The following GALK2 variants were observed in gnomAD, a reference collection of about 807,000 sequenced individuals.
The protein encoded by GALK2 is galactokinase 2, also known as N-acetylgalactosamine kinase.
A neutral mutation model predicts 52.4 loss-of-function variants in GALK2; 36 were observed. The observed-to-expected ratio is 0.69, with a 90% CI of 0.53 to 0.91. The LOEUF is 0.91. GALK2 is among the 40% of genes least tolerant of loss of function. The pLI, the probability that GALK2 is intolerant of heterozygous loss-of-function variation, is 0.00. For synonymous variants in GALK2, 176 were observed against 199.1 expected (o/e 0.88, Z 0.98); for missense variants, 579 against 559.1 (o/e 1.04, Z -0.36).
At chr15:49,225,764 C>A (rs547895117) in intron 3 of GALK2, among the ~76,000 whole-genome samples, 1 of 152,392 alleles carries the variant, frequency 6.6e-6, no homozygotes, top group East Asian at 1.9e-4. Context: ...AAGCTGCATG[C>A]TGCAGCCCTG....
At chr15:49,335,504 G>C, downstream of GALK2, 1 of 1,606,600 alleles carries the variant, frequency 6.2e-7, no homozygotes, top group Non-Finnish European at 8.5e-7. Flanking sequence ...AGTGTGCTAG[G>C]CTTATTATTA....
At chr15:49,357,516 C>A (rs1433943742) in intron 3 of GALK2, among the ~76,000 whole-genome samples, 2 of 152,036 alleles carry the variant, frequency 1.3e-5, no homozygotes, top group African/African-American at 4.8e-5. Flanking sequence ...TCGACACATA[C>A]ACTCTCCCAA....
In GALK2 at chr15:49,226,675, G is replaced by T. The variant is rs147262014; in HGVS notation, c.267-9176G>T. 1.9e-3 allele frequency: 283 copies of T among 151,918 alleles called. 2 individuals are homozygous for T. Among genetic ancestry groups the T allele is most frequent in the African/African-American group, 6.3e-3 (262 of 41,418 alleles). 9.4% of individuals were successfully genotyped at this position (151,918 alleles called of 1,614,324 possible). On this transcript the variant is annotated intron_variant, in intron 3 of 9. Coordinates refer to ENST00000560031, the MANE Select transcript of GALK2 (RefSeq NM_002044.4). ...CTAATTCCCTGAGATGCATAATTAG[G>T]TTGCTTATTTGAACTCTTTCTTTCT...
chr15:49,156,649 T>C, intron 1 of GALK2: 1 of 520,022 alleles, frequency 1.9e-6, no homozygotes, highest in South Asian at 1.5e-5. Context: ...TTAAGAGCAT[T>C]CCCAAAGGCA....
intron 2 of GALK2, among the ~76,000 whole-genome samples, chr15:49,207,933 C>T (rs1183000084): frequency 2.0e-5 from 3 of 152,046 alleles, no homozygotes; most frequent in African/African-American, 7.2e-5. Flanking sequence ...CCACCATGCC[C>T]AGCTAATTTT....
intron 2 of GALK2, among the ~76,000 whole-genome samples, chr15:49,206,969 TG>T (rs2088344507): frequency 6.6e-6 from 1 of 152,210 alleles, no homozygotes. Flanking sequence ...ATGTTGGCTG[TG>T]GGTCTGTCAT....
chr15:49,253,083 G>T (rs1383364303), intron 5 of GALK2, among the ~76,000 whole-genome samples: 3 of 144,290 alleles, frequency 2.1e-5, no homozygotes, highest in African/African-American at 7.5e-5. Context: ...ATTTATCCCT[G>T]CTCAAACTAA....
intron 3 of GALK2, chr15:49,225,357 G>T (rs2090070988): frequency 5.0e-6 from 2 of 397,916 alleles, no homozygotes; most frequent in South Asian, 1.8e-5. Flanking sequence ...GAGGTGAGTG[G>T]TGGGTGAGTG....
At chr15:49,245,190 A>G (rs936961777) in intron 5 of GALK2, among the ~76,000 whole-genome samples, 1 of 152,168 alleles carries the variant, frequency 6.6e-6, no homozygotes, top group Non-Finnish European at 1.5e-5. Context: ...CTCACTTATC[A>G]TAATAGGAAA....
rs969345354 is a variant in GALK2 at position 49,254,061 on chromosome 15, C to T, written c.504+14694C>T. 4.2e-5 allele frequency among the ~76,000 whole-genome samples: 6 copies of T among 144,364 alleles called. 1 individual carries two copies. Among genetic ancestry groups the T allele is most frequent in the Non-Finnish European group, 7.8e-5 (5 of 64,240 alleles). 94.7% of individuals were successfully genotyped at this position (144,364 alleles called of 152,430 possible). On this transcript the variant is annotated intron_variant, in intron 5 of 9. Transcript: ENST00000560031. ...AATTGTAAATAACCTTAAAACTTTTCTCCCTAAAGAGAGATGATTGTATCA... is the reference window on the plus strand; with the variant it reads ...AATTGTAAATAACCTTAAAACTTTTTTCCCTAAAGAGAGATGATTGTATCA...
intron 1 of GALK2, among the ~76,000 whole-genome samples, chr15:49,184,509 C>T (rs2086210530): frequency 6.6e-6 from 1 of 152,064 alleles, no homozygotes; most frequent in Non-Finnish European, 1.5e-5. Flanking sequence ...ACTTTTCTGC[C>T]ATTTTATTAT....
chr15:49,270,152 T>C (rs1333116399), intron 5 of GALK2, among the ~76,000 whole-genome samples: 1 of 152,252 alleles, frequency 6.6e-6, no homozygotes, highest in Non-Finnish European at 1.5e-5. Flanking sequence ...TTAAAGTGTC[T>C]AGGAATTATA....
At chr15:49,293,035 T>C (rs2034097238) in intron 8 of GALK2, among the ~76,000 whole-genome samples, 1 of 152,202 alleles carries the variant, frequency 6.6e-6, no homozygotes, top group African/African-American at 2.4e-5. Context: ...CCCAGGTAAA[T>C]GTTGCAGGCA....
At chr15:49,332,519 C>A (rs2038980757), downstream of GALK2, among the ~76,000 whole-genome samples, 1 of 152,076 alleles carries the variant, frequency 6.6e-6, no homozygotes, top group Admixed American at 6.5e-5. Flanking sequence ...CAGCAGGAAC[C>A]TTTCCAGAGA....
At chr15:49,261,740 C>A (rs955540477) in intron 5 of GALK2, among the ~76,000 whole-genome samples, 13 of 151,938 alleles carry the variant, frequency 8.6e-5, no homozygotes, top group African/African-American at 2.9e-4. Context: ...GAAATACATC[C>A]CATCAATACC....
chr15:49,367,415 A>G, intron 3 of GALK2: 2 of 1,495,808 alleles, frequency 1.3e-6, no homozygotes, highest in Non-Finnish European at 1.8e-6. Flanking sequence ...TTTTGAAAGA[A>G]ATTATATTAA....
chr15:49,241,710 C>G (rs1234343962), intron 5 of GALK2, among the ~76,000 whole-genome samples: 2 of 152,124 alleles, frequency 1.3e-5, no homozygotes, highest in African/African-American at 4.8e-5. Flanking sequence ...GGTGTGAAGT[C>G]AAGGAATTCA....
chr15:49,237,862 T>A (rs1458135231), intron 4 of GALK2, among the ~76,000 whole-genome samples: 1 of 152,074 alleles, frequency 6.6e-6, no homozygotes, highest in Non-Finnish European at 1.5e-5. Flanking sequence ...TTTTTTTTTT[T>A]AAACAAGCTG....
At position 49,225,801 on chromosome 15, in the gene GALK2, A is replaced by G. The variant is rs530114244; in HGVS notation, c.266+8488A>G. On this transcript the variant is annotated intron_variant, in intron 3 of 9. Transcript: ENST00000560031. The stretch of plus-strand genomic sequence containing the variant: ...GCTGTTGGGACTGGCCCACAGCTCC[A>G]TCTTTTGGCTCCCTTTGGCACAGCA... 5.3e-5 allele frequency among the ~76,000 whole-genome samples: 8 copies of G among 152,340 alleles called. No homozygotes were observed. The East Asian group carries it at 1.5e-3, about 29-fold the overall frequency.
Sources: gnomAD v4.1 joint callset for allele counts (sites outside exome capture counted in the v4.1 genomes callset) on GRCh38, gnomAD v4.1.1 for gene constraint, MANE v1.5 for transcripts, NCBI Gene and HGNC (gene_info 2026-07-23, HGNC 2026-07-21) for gene names.